Variants in UNC5D observed in about 807,000 individuals in gnomAD.
UNC5D encodes unc-5 netrin receptor D.
In UNC5D, 39 loss-of-function variants were observed where a neutral mutation model predicts 105.4. The observed-to-expected ratio is 0.37, with a 90% CI of 0.29 to 0.48. The LOEUF (loss-of-function observed/expected upper bound fraction) is 0.48. UNC5D is among the 20% of genes least tolerant of loss of function. The pLI, the probability that UNC5D is intolerant of heterozygous loss-of-function variation, is 0.98. For synonymous variants in UNC5D, 452 were observed against 450.4 expected (o/e 1.00, Z -0.04); for missense variants, 991 against 1,202.4 (o/e 0.82, Z 2.60).
At chr8:35,587,096 A>T (rs1384246945) in intron 3 of UNC5D, among the ~76,000 whole-genome samples, 2 of 152,116 alleles carry the variant, frequency 1.3e-5, no homozygotes, top group Non-Finnish European at 2.9e-5. Context: ...TATATGATTT[A>T]CAGGTTAGCC....
chr8:35,270,244 C>T (rs1009328530), intron 1 of UNC5D, among the ~76,000 whole-genome samples: 5 of 152,026 alleles, frequency 3.3e-5, no homozygotes, highest in African/African-American at 1.2e-4. Flanking sequence ...TGAGTGTGGC[C>T]AGGTAAACTC....
intron 3 of UNC5D, among the ~76,000 whole-genome samples, chr8:35,574,099 T>A (rs1205876110): frequency 6.6e-6 from 1 of 152,160 alleles, no homozygotes; most frequent in Non-Finnish European, 1.5e-5. Context: ...AATATTCAAT[T>A]ATTTGTAGTT....
intron 1 of UNC5D, among the ~76,000 whole-genome samples, chr8:35,390,098 A>G (rs1528709): frequency 0.44 from 66,399 of 151,948 alleles, 14,803 homozygotes; most frequent in East Asian, 0.71. Flanking sequence ...CAGAAGGCAA[A>G]GGGGGAGCAG....
Position 35,724,431 on chromosome 8 carries a change from T to C in UNC5D, c.1304-1721T>C. The C allele has an allele frequency of 4.3e-6, 4 of 922,298 alleles. No homozygotes were observed. The South Asian group carries it at 8.6e-5, about 20-fold the overall frequency. 57.1% of individuals were successfully genotyped at this position (922,298 alleles called of 1,614,324 possible). ...CCGGCAAGGTGAACACTGAGCCTTT[T>C]AAATAGAATGCCATACACAGAACAG... On this transcript the variant is annotated intron_variant, in intron 9 of 16. Transcript: ENST00000404895.
chr8:35,279,142 G>A (rs1024844633), intron 1 of UNC5D, among the ~76,000 whole-genome samples: 1 of 152,180 alleles, frequency 6.6e-6, no homozygotes, highest in Non-Finnish European at 1.5e-5. Flanking sequence ...CTCAGAGGAG[G>A]CCACGGAGTA....
At chr8:35,383,837 G>A (rs1457093872) in intron 1 of UNC5D, among the ~76,000 whole-genome samples, 2 of 152,146 alleles carry the variant, frequency 1.3e-5, no homozygotes, top group South Asian at 2.1e-4. Context: ...CCAGGGCTTT[G>A]GGAGGAGGAA....
intron 4 of UNC5D, among the ~76,000 whole-genome samples, chr8:35,634,816 G>C (rs1382970158): frequency 6.6e-6 from 1 of 151,182 alleles, no homozygotes; most frequent in Non-Finnish European, 1.5e-5. Flanking sequence ...GCCTGGGCTG[G>C]AGTGCAATGG....
In UNC5D at chr8:35,694,417, C is replaced by A. The variant is rs140065113; in HGVS notation, c.1084+7708C>A. On this transcript the variant is annotated intron_variant, in intron 7 of 16. Transcript: ENST00000404895. The stretch of plus-strand genomic sequence containing the variant: ...AATTGGAAGAAATGAATGAATTGAG[C>A]CTGTTGGATGTGAATATCCATCCTT... 1.3e-4 allele frequency among the ~76,000 whole-genome samples: 20 copies of A among 152,194 alleles called. No homozygotes were observed. The East Asian group carries it at 2.3e-3, about 18-fold the overall frequency.
Position 35,632,909 on chromosome 8 carries a change from C to T in UNC5D, c.570+37252C>T, listed in dbSNP as rs139180668. On this transcript the variant is annotated intron_variant, in intron 4 of 16. Transcript: ENST00000404895. Reference sequence around the variant, plus strand: ...CCTTTCCTGGTCCAAAACTACTCTTCACCTCCCTTGTTTCTGCAAACAACC... The same window carrying T: ...CCTTTCCTGGTCCAAAACTACTCTTTACCTCCCTTGTTTCTGCAAACAACC... Among the ~76,000 whole-genome samples, 594 of 152,324 alleles carry T rather than the reference C, an allele frequency of 3.9e-3. 5 individuals are homozygous for T. Among genetic ancestry groups the T allele is most frequent in the African/African-American group, 0.014 (567 of 41,576 alleles).
intron 1 of UNC5D, among the ~76,000 whole-genome samples, chr8:35,533,380 C>A (rs369322701): frequency 6.6e-6 from 1 of 152,122 alleles, no homozygotes; most frequent in South Asian, 2.1e-4. Context: ...GTCAGGGACC[C>A]ACTTGAGGAG....
intron 3 of UNC5D, among the ~76,000 whole-genome samples, chr8:35,586,470 G>A (rs548101655): frequency 3.9e-5 from 6 of 152,150 alleles, no homozygotes; most frequent in African/African-American, 1.4e-4. Context: ...TAACAACTCA[G>A]GGCTGGAGGA....
intron 1 of UNC5D, among the ~76,000 whole-genome samples, chr8:35,483,796 G>C (rs965198194): frequency 6.6e-6 from 1 of 152,166 alleles, no homozygotes; most frequent in Non-Finnish European, 1.5e-5. Flanking sequence ...AAGAGCAATG[G>C]TTGAATCAAT....
At chr8:35,415,876 G>T (rs112582138) in intron 1 of UNC5D, among the ~76,000 whole-genome samples, 1 of 152,248 alleles carries the variant, frequency 6.6e-6, no homozygotes, top group African/African-American at 2.4e-5. Flanking sequence ...AGTAGAGTAG[G>T]AAGATAACTG....
At chr8:35,665,501 A>G (rs1310483594) in intron 4 of UNC5D, among the ~76,000 whole-genome samples, 2 of 152,120 alleles carry the variant, frequency 1.3e-5, no homozygotes, top group Non-Finnish European at 2.9e-5. Flanking sequence ...GAAATCTGCT[A>G]TCAGATTATT....
chr8:35,623,346 C>T (rs1473914041), intron 4 of UNC5D, among the ~76,000 whole-genome samples: 6 of 152,068 alleles, frequency 3.9e-5, no homozygotes, highest in Non-Finnish European at 8.8e-5. Flanking sequence ...GGCTCAGGAA[C>T]GGAAAATGTG....
chr8:35,788,237 A>C (rs553246368), intron 16 of UNC5D, among the ~76,000 whole-genome samples: 28 of 151,928 alleles, frequency 1.8e-4, no homozygotes, highest in Non-Finnish European at 3.7e-4. Context: ...TATAAATGGC[A>C]ACGCGTCCTT....
At chr8:35,569,686 G>T (rs940013069) in intron 3 of UNC5D, among the ~76,000 whole-genome samples, 1 of 152,144 alleles carries the variant, frequency 6.6e-6, no homozygotes, top group Non-Finnish European at 1.5e-5. Flanking sequence ...CTTTAAAGTA[G>T]CAGGCCAGCT....
At chr8:35,468,821 G>A (rs932516216) in intron 1 of UNC5D, among the ~76,000 whole-genome samples, 6 of 152,242 alleles carry the variant, frequency 3.9e-5, no homozygotes, top group South Asian at 4.2e-4. Flanking sequence ...TGATTTCCAC[G>A]GGACAATGCT....
At chr8:35,617,796 C>T (rs188797030) in intron 4 of UNC5D, among the ~76,000 whole-genome samples, 24 of 152,340 alleles carry the variant, frequency 1.6e-4, no homozygotes, top group Non-Finnish European at 3.5e-4. Flanking sequence ...TGAGAATCCC[C>T]TGCTGTGGTG....
Sources: gnomAD v4.1 joint callset for allele counts (sites outside exome capture counted in the v4.1 genomes callset) on GRCh38, gnomAD v4.1.1 for gene constraint, MANE v1.5 for transcripts, NCBI Gene and HGNC (gene_info 2026-07-23, HGNC 2026-07-21) for gene names.